GABRA1: variants seen among roughly 807,000 people sequenced by gnomAD.
The protein encoded by GABRA1 is gamma-aminobutyric acid receptor subunit alpha-1.
Under a neutral mutation model 48.9 loss-of-function variants are expected in GABRA1, and 9 were observed. The observed-to-expected ratio is 0.18, with a 90% CI of 0.11 to 0.32. GABRA1 has a LOEUF of 0.32. Among genes scored for constraint, GABRA1 ranks in the 10% least tolerant of loss-of-function variants. GABRA1 has a pLI of 1.00. For missense variants in GABRA1, 285 were observed against 553.8 expected (o/e 0.51, Z 4.87); for synonymous variants, 210 against 198.7 (o/e 1.06, Z -0.48).
chr5:161,897,130 C>A lies in GABRA1; in HGVS notation c.1079C>A (p.Pro360His), dbSNP rs80337021. The A allele has an allele frequency of 1.3e-4, 207 of 1,614,022 alleles. 3 individuals carry two copies. In the East Asian group the frequency reaches 4.6e-3, roughly 36 times the overall value. The change falls in exon 10 of 10, where the codon CCT (proline) becomes CAT (histidine). Residue 360 changes from proline to histidine, a missense_variant. Transcript: ENST00000393943. ...CTACAGCCAAAGAAAGTAAAGGATC[C>A]TCTTATTAAGAAAAACAACACTTAC... is the stretch of plus-strand genomic sequence containing the variant. ...VPEKPKKVKD[P>H]LIKKNNTYAP...
rs1287415918 is a variant in GABRA1 at position 161,862,055 on chromosome 5, C to A, written c.188-3666C>A. ...CAAATGGTTGTGATAGGATTACTAA[C>A]AAAATACCACCTACAATTCTTTCTT... On this transcript the variant is annotated intron_variant, in intron 3 of 9. Coordinates refer to ENST00000393943, the MANE Select transcript of GABRA1 (RefSeq NM_001127644.2). Among the ~76,000 whole-genome samples, 6 of 151,950 alleles carry A rather than the reference C, an allele frequency of 3.9e-5. No individual in the cohort carries two copies. The East Asian group carries it at 1.2e-3, about 30-fold the overall frequency.
At position 161,878,674 on chromosome 5, in the gene GABRA1, T is replaced by G. The variant is rs559474623; in HGVS notation, c.559+3032T>G. On this transcript the variant is annotated intron_variant, in intron 6 of 9. Transcript: ENST00000393943. ...CTGGTTATGGATAAAGCTCTCTTTA[T>G]AAAGTCAGCTAACCCGAGGGCAATG... 1.1e-3 allele frequency among the ~76,000 whole-genome samples: 161 copies of G among 152,274 alleles called. 1 individual carries two copies. The highest frequency in any genetic ancestry group is 1.6e-3 in the Non-Finnish European group (111 of 68,022).
Position 161,853,834 on chromosome 5 carries a change from AT to A in GABRA1, c.75-315del, listed in dbSNP as rs34288369. 31,992 of 181,012 alleles carry A rather than the reference AT, an allele frequency of 0.18. 3,819 individuals carry two copies. Among genetic ancestry groups the A allele is most frequent in the African/African-American group, 0.35 (14,734 of 42,434 alleles). 11.2% of individuals were successfully genotyped at this position (181,012 alleles called of 1,614,324 possible). On this transcript the variant is annotated intron_variant, in intron 2 of 9. Transcript: ENST00000393943. The stretch of plus-strand genomic sequence containing the variant: ...GAACTTTCCTAGGTTTGTTTTCTCT[AT>A]TTTTTTTTATGTGCATTAGCATTCT...
chr5:161,872,417 A>G (rs192571182), intron 4 of GABRA1: 1 of 152,902 alleles, frequency 6.5e-6, no homozygotes, highest in Admixed American at 6.5e-5. Flanking sequence ...GCTTATACAC[A>G]TGTACAATCA....
At chr5:161,882,093 G>A (rs1442740002) in intron 6 of GABRA1, 1 of 186,922 alleles carries the variant, frequency 5.3e-6, no homozygotes, top group Non-Finnish European at 1.1e-5. Flanking sequence ...TTGTATAAAT[G>A]TTACCTCCTC....
At chr5:161,859,227 C>A (rs1325409213) in intron 3 of GABRA1, among the ~76,000 whole-genome samples, 1 of 151,666 alleles carries the variant, frequency 6.6e-6, no homozygotes, top group East Asian at 1.9e-4. Flanking sequence ...TTTTACAAAT[C>A]ATTTATGCCT....
chr5:161,859,788 A>T (rs1757782445), intron 3 of GABRA1, among the ~76,000 whole-genome samples: 1 of 151,868 alleles, frequency 6.6e-6, no homozygotes, highest in African/African-American at 2.4e-5. Context: ...TTCAGTCACA[A>T]AGTGATAGCA....
chr5:161,864,602 A>G (rs1042763533), intron 3 of GABRA1, among the ~76,000 whole-genome samples: 10 of 151,992 alleles, frequency 6.6e-5, no homozygotes, highest in Admixed American at 5.9e-4. Flanking sequence ...CAGAGATGCA[A>G]ATACCCTGGC....
Position 161,865,702 on chromosome 5 carries a change from C to T in GABRA1, c.188-19C>T, listed in dbSNP as rs1339601818. 1 of 1,610,348 alleles carries T rather than the reference C, an allele frequency of 6.2e-7. No homozygotes were observed. The highest frequency in any genetic ancestry group is 1.7e-4 in the Middle Eastern group (1 of 6,048). ...GACGGTTGACAGACACTCACTCGCC[C>T]AATTTCCTGCTTCAACAGAGCGTGT... On this transcript the variant is annotated intron_variant, in intron 3 of 9. Transcript: ENST00000393943.
intron 8 of GABRA1, among the ~76,000 whole-genome samples, chr5:161,893,057 C>G (rs1190516804): frequency 9.2e-6 from 1 of 109,234 alleles, no homozygotes; most frequent in Non-Finnish European, 2.1e-5. Context: ...ATAAAATAAA[C>G]ACAGGACATA....
intron 7 of GABRA1, among the ~76,000 whole-genome samples, chr5:161,883,240 T>C (rs1431622770): frequency 6.6e-6 from 1 of 151,778 alleles, no homozygotes; most frequent in Non-Finnish European, 1.5e-5. Context: ...AATTCGTTTG[T>C]ATCTCTAACC....
At chr5:161,892,008 A>T (rs1288133859) in intron 8 of GABRA1, among the ~76,000 whole-genome samples, 3 of 152,230 alleles carry the variant, frequency 2.0e-5, no homozygotes, top group Admixed American at 2.0e-4. Flanking sequence ...AGATTAAGTA[A>T]TCTGCCCATA....
chr5:161,853,141 C>A (rs536038871), intron 2 of GABRA1, among the ~76,000 whole-genome samples: 12 of 151,768 alleles, frequency 7.9e-5, no homozygotes, highest in Non-Finnish European at 1.8e-4. Flanking sequence ...GAAAACAATT[C>A]TCTCAAAGGA....
chr5:161,856,096 C>T (rs1404036534), intron 3 of GABRA1, among the ~76,000 whole-genome samples: 1 of 151,166 alleles, frequency 6.6e-6, no homozygotes, highest in Admixed American at 6.6e-5. Context: ...TACTTTAACC[C>T]ATTCATCAAA....
chr5:161,866,314 C>T (rs1753846525), intron 4 of GABRA1, among the ~76,000 whole-genome samples: 2 of 152,028 alleles, frequency 1.3e-5, no homozygotes, highest in African/African-American at 4.8e-5. Context: ...AAAGTATTAT[C>T]CAGAGTGGAA....
chr5:161,848,589 G>C (rs971809701), intron 1 of GABRA1, 167 bp downstream of exon 1: 1 of 177,580 alleles, frequency 5.6e-6, no homozygotes, highest in African/African-American at 2.4e-5. Flanking sequence ...GAGCGAGCAG[G>C]ACAGGAGCCT....
chr5:161,895,688 G>A lies in GABRA1; in HGVS notation c.879G>A (p.Met293Ile), dbSNP rs1291358550. Residue 293 changes from methionine to isoleucine, a missense_variant, in exon 9 of 10, where the codon ATG (methionine) becomes ATA (isoleucine). Met to Ile is a conservative substitution (Grantham distance 10). Coordinates refer to ENST00000393943, the MANE Select transcript of GABRA1 (RefSeq NM_001127644.2). Reference sequence around the variant, plus strand: ...CAGGAGTAACAACTGTGCTCACCATGACAACATTGAGCATCAGTGCCAGAA... The same window carrying A: ...CAGGAGTAACAACTGTGCTCACCATAACAACATTGAGCATCAGTGCCAGAA... ...TVFGVTTVLT[M>I]TTLSISARNS... is the part of the protein sequence containing the mutation. 6.2e-7 allele frequency: 1 copy of A among 1,613,490 alleles called. No homozygotes were observed. Among genetic ancestry groups the A allele is most frequent in the Admixed American group, 1.7e-5 (1 of 59,958 alleles).
intron 1 of GABRA1, 83 bp downstream of exon 1, chr5:161,848,505 C>CGGGGGGGG (rs35469580): frequency 3.3e-5 from 1 of 30,702 alleles, no homozygotes; most frequent in African/African-American, 1.5e-4. Context: ...ATGTTATAGT[C>CGGGGGGGG]GGGGGGGGGG....
At chr5:161,866,714 G>A (rs1332515102) in intron 4 of GABRA1, among the ~76,000 whole-genome samples, 2 of 152,066 alleles carry the variant, frequency 1.3e-5, no homozygotes, top group African/African-American at 4.8e-5. Context: ...AATTGTATTT[G>A]CCCAAGACCT....
Sources: allele counts gnomAD v4.1 joint callset (sites outside exome capture counted in the v4.1 genomes callset), GRCh38; gene constraint gnomAD v4.1.1; transcripts MANE v1.5; gene names NCBI Gene and HGNC (gene_info 2026-07-23, HGNC 2026-07-21).